GABBR2: variants seen among roughly 807,000 people sequenced by gnomAD.
GABBR2 encodes gamma-aminobutyric acid type B receptor subunit 2, also known as G-protein coupled receptor 51.
Under a neutral mutation model 105.6 loss-of-function variants are expected in GABBR2, and 23 were observed. That is an observed-to-expected ratio of 0.22 (90% CI 0.16 to 0.31). GABBR2 has a LOEUF of 0.31. Ranked by LOEUF, GABBR2 falls within the 10% of genes least tolerant of loss-of-function variation. The pLI is 1.00. For synonymous variants in GABBR2, 478 were observed against 499.7 expected (o/e 0.96, Z 0.58); for missense variants, 734 against 1,245.5 (o/e 0.59, Z 6.18).
chr9:98,620,200 ACT>A (rs1438257049), intron 1 of GABBR2, among the ~76,000 whole-genome samples: 1 of 151,726 alleles, frequency 6.6e-6, no homozygotes, highest in Non-Finnish European at 1.5e-5. Context: ...TACAATTAAT[ACT>A]CATATACCTG....
intron 1 of GABBR2, among the ~76,000 whole-genome samples, chr9:98,704,747 A>G: frequency 1.1e-5 from 1 of 91,676 alleles, no homozygotes; most frequent in African/African-American, 3.3e-5. Context: ...CACAATGAAC[A>G]TTAATCAAAT....
chr9:98,662,981 T>C (rs746526107), intron 1 of GABBR2, among the ~76,000 whole-genome samples: 49 of 152,092 alleles, frequency 3.2e-4, no homozygotes, highest in Non-Finnish European at 6.3e-4. Flanking sequence ...GTGAGAGTGG[T>C]GGCTCATGAG....
At chr9:98,343,993 C>T (rs1207279941) in intron 13 of GABBR2, among the ~76,000 whole-genome samples, 1 of 152,202 alleles carries the variant, frequency 6.6e-6, no homozygotes, top group Non-Finnish European at 1.5e-5. Context: ...AAAACTTCCT[C>T]CTTGAAACAC....
intron 1 of GABBR2, among the ~76,000 whole-genome samples, chr9:98,597,988 A>AT (rs1357629254): frequency 1.3e-5 from 2 of 151,872 alleles, no homozygotes; most frequent in East Asian, 3.9e-4. Context: ...CCTCCGGCTA[A>AT]TTTTTTGTAT....
intron 8 of GABBR2, among the ~76,000 whole-genome samples, chr9:98,398,717 A>G (rs1832338088): frequency 6.6e-6 from 1 of 152,008 alleles, no homozygotes; most frequent in Admixed American, 6.5e-5. Context: ...TTTCACTTCC[A>G]CCCCATCCCA....
chr9:98,560,084 T>C (rs1304620515), intron 2 of GABBR2, among the ~76,000 whole-genome samples: 1 of 151,940 alleles, frequency 6.6e-6, no homozygotes, highest in Non-Finnish European at 1.5e-5. Context: ...TATATAAGGA[T>C]GGCATGGAAC....
At chr9:98,681,965 TA>T (rs1358959847) in intron 1 of GABBR2, among the ~76,000 whole-genome samples, 2 of 152,182 alleles carry the variant, frequency 1.3e-5, no homozygotes, top group African/African-American at 4.8e-5. Flanking sequence ...CTTATGCCTG[TA>T]ATCCCAGCAC....
At chr9:98,688,625 T>C (rs1830649824) in intron 1 of GABBR2, among the ~76,000 whole-genome samples, 3 of 152,206 alleles carry the variant, frequency 2.0e-5, no homozygotes. Context: ...AGTAATTTTC[T>C]CAACAAAGAA....
chr9:98,648,116 T>TGTGTGTGTGTATAGATAG, intron 1 of GABBR2, among the ~76,000 whole-genome samples: 685 of 55,890 alleles, frequency 0.012, 6 homozygotes, highest in African/African-American at 0.014. Context: ...TGTGTGTGTG[T>TGTGTGTGTGTATAGATAG]ATAGATAGAT....
intron 4 of GABBR2, among the ~76,000 whole-genome samples, chr9:98,490,271 A>C (rs1258965590): frequency 6.6e-6 from 1 of 152,198 alleles, no homozygotes; most frequent in African/African-American, 2.4e-5. Context: ...AAAGGGTCAC[A>C]ACTAGAACAG....
At chr9:98,497,364 C>T (rs1783627345) in intron 3 of GABBR2, among the ~76,000 whole-genome samples, 1 of 151,760 alleles carries the variant, frequency 6.6e-6, no homozygotes, top group Admixed American at 6.6e-5. Flanking sequence ...GGGGAGAAAT[C>T]AGAAATTTAG....
intron 1 of GABBR2, among the ~76,000 whole-genome samples, chr9:98,665,780 G>A (rs966749181): frequency 7.2e-5 from 11 of 152,196 alleles, no homozygotes; most frequent in South Asian, 2.1e-4. Context: ...ATTGCTGAAC[G>A]TCCAACCTGC....
At chr9:98,645,429 T>C (rs185549542) in intron 1 of GABBR2, among the ~76,000 whole-genome samples, 11 of 152,282 alleles carry the variant, frequency 7.2e-5, no homozygotes, top group Admixed American at 7.2e-4. Context: ...GGAAAGAAGC[T>C]AGAAGAAGGG....
At chr9:98,648,969 T>G (rs900044484) in intron 1 of GABBR2, among the ~76,000 whole-genome samples, 2 of 152,238 alleles carry the variant, frequency 1.3e-5, no homozygotes, top group Non-Finnish European at 2.9e-5. Flanking sequence ...AATATGATTC[T>G]TTTTAAATGG....
At chr9:98,646,052 C>G (rs1830025772) in intron 1 of GABBR2, among the ~76,000 whole-genome samples, 1 of 152,190 alleles carries the variant, frequency 6.6e-6, no homozygotes, top group South Asian at 2.1e-4. Context: ...AATACTTTCT[C>G]TGGGCGGAAA....
rs141830622 is a variant in GABBR2 at position 98,406,149 on chromosome 9, C to G, written c.1237-8G>C. On this transcript the variant is annotated splice_region_variant and splice_polypyrimidine_tract_variant and intron_variant, in intron 7 of 18. Coordinates refer to ENST00000259455, the MANE Select transcript of GABBR2 (RefSeq NM_005458.8). ...CCGGAATACAACTTGACCCTAAAAA[C>G]AAAACAAAACAAATCAAACAAGAAT... 6.5e-7 allele frequency: 1 copy of G among 1,535,202 alleles called. No individual in the cohort carries two copies. Among genetic ancestry groups the G allele is most frequent in the Non-Finnish European group, 8.9e-7 (1 of 1,129,780 alleles).
chr9:98,449,906 T>C (rs965280776), intron 7 of GABBR2, among the ~76,000 whole-genome samples: 28 of 152,098 alleles, frequency 1.8e-4, no homozygotes, highest in African/African-American at 6.8e-4. Flanking sequence ...GAATCCCACT[T>C]CAGAGTGTTC....
intron 1 of GABBR2, among the ~76,000 whole-genome samples, chr9:98,621,964 A>G (rs1308830486): frequency 6.6e-6 from 1 of 152,106 alleles, no homozygotes; most frequent in Non-Finnish European, 1.5e-5. Context: ...ACAACTGACT[A>G]TAAGATTTTA....
chr9:98,622,489 G>A (rs1829683031), intron 1 of GABBR2, among the ~76,000 whole-genome samples: 1 of 148,474 alleles, frequency 6.7e-6, no homozygotes, highest in South Asian at 2.2e-4. Flanking sequence ...TAGAAAAGAA[G>A]GAAAGCAATA....
Sources: gnomAD v4.1 joint callset for allele counts (sites outside exome capture counted in the v4.1 genomes callset) on GRCh38, gnomAD v4.1.1 for gene constraint, MANE v1.5 for transcripts, NCBI Gene and HGNC (gene_info 2026-07-23, HGNC 2026-07-21) for gene names.